PRELID2: variants seen among roughly 807,000 people sequenced by gnomAD.
PRELID2 encodes PRELI domain containing 2, also known as PRELI domain-containing protein 2.
Under a neutral mutation model 28.4 loss-of-function variants are expected in PRELID2, and 25 were observed. That is an observed-to-expected ratio of 0.88 (90% CI 0.64 to 1.23). The LOEUF is 1.23. PRELID2 is among the 50% of genes most tolerant of loss of function. The pLI, the probability that PRELID2 is intolerant of heterozygous loss-of-function variation, is 0.00. For missense variants in PRELID2, 201 were observed against 214.4 expected (o/e 0.94, Z 0.39); for synonymous variants, 76 against 71.6 (o/e 1.06, Z -0.31).
intron 1 of PRELID2, among the ~76,000 whole-genome samples, chr5:145,623,274 C>T (rs1753796811): frequency 6.6e-6 from 1 of 151,464 alleles, no homozygotes; most frequent in Admixed American, 6.6e-5. Flanking sequence ...ATGGCGAAAC[C>T]CCGTCTCTAC....
intron 1 of PRELID2, among the ~76,000 whole-genome samples, chr5:145,559,610 C>A (rs143336578): frequency 6.6e-6 from 1 of 152,028 alleles, no homozygotes; most frequent in African/African-American, 2.4e-5. Flanking sequence ...CCTCTATTGC[C>A]CCCTCCTCCT....
At chr5:145,719,232 T>C (rs1561556576) in intron 1 of PRELID2, among the ~76,000 whole-genome samples, 1 of 152,014 alleles carries the variant, frequency 6.6e-6, no homozygotes, top group East Asian at 1.9e-4. Flanking sequence ...GAGTAGCATG[T>C]CTAAGATTAA....
chr5:145,427,773 A>ACCC, the PRELID2 span, among the ~76,000 whole-genome samples: 1 of 152,184 alleles, frequency 6.6e-6, no homozygotes, highest in Non-Finnish European at 1.5e-5. Context: ...TAGTGCAAAG[A>ACCC]GAATTTGGGC....
chr5:145,453,506 C>T, the PRELID2 span, among the ~76,000 whole-genome samples: 1 of 152,076 alleles, frequency 6.6e-6, no homozygotes, highest in East Asian at 1.9e-4. Context: ...GATACATGTG[C>T]AGAACGTGCA....
intron 1 of PRELID2, among the ~76,000 whole-genome samples, chr5:145,604,487 G>GAC (rs1267012207): frequency 6.6e-6 from 1 of 152,082 alleles, no homozygotes; most frequent in Non-Finnish European, 1.5e-5. Context: ...ATCACTGATA[G>GAC]ACATTTGGGT....
intron 1 of PRELID2, among the ~76,000 whole-genome samples, chr5:145,825,302 C>T (rs986749955): frequency 6.7e-5 from 10 of 148,674 alleles, no homozygotes; most frequent in African/African-American, 9.9e-5. Flanking sequence ...TCAGCCCTTC[C>T]GAGTTACATG....
chr5:145,544,330 C>T (rs902728292), intron 1 of PRELID2, among the ~76,000 whole-genome samples: 1 of 152,086 alleles, frequency 6.6e-6, no homozygotes, highest in Non-Finnish European at 1.5e-5. Context: ...TAAACTTATG[C>T]TTTAATTTCA....
rs1561643627 is a variant in PRELID2, at chr5:145,817,202, A to ATATATATAT, written c.368+691_368+692insATATATATA. 1.7e-3 allele frequency among the ~76,000 whole-genome samples: 86 copies of ATATATATAT among 51,246 alleles called. 1 individual carries two copies. The highest frequency in any genetic ancestry group is 3.2e-3 in the Non-Finnish European group (67 of 20,800). The allele number at this position is 51,246 out of a possible 152,430, so 33.6% of individuals were successfully genotyped here. A position where few individuals can be genotyped will look rare whatever the true frequency, so the allele number is the denominator to read the frequency against. On this transcript the variant is annotated intron_variant, in intron 4 of 6. Coordinates refer to ENST00000683046, the MANE Select transcript of PRELID2 (RefSeq NM_205846.3). The stretch of plus-strand genomic sequence containing the variant: ...CAAGACTGCATTTCAAAAAAAAATA[A>ATATATATAT]ATAAATAAATAAAAAAAAATATATA...
intron 5 of PRELID2, among the ~76,000 whole-genome samples, chr5:145,794,914 GC>G (rs1752635789): frequency 6.6e-6 from 1 of 151,912 alleles, no homozygotes; most frequent in African/African-American, 2.4e-5. Flanking sequence ...GCCAAATCCA[GC>G]CCACCACCTG....
chr5:145,653,371 A>T (rs893608215), intron 1 of PRELID2, among the ~76,000 whole-genome samples: 27 of 152,200 alleles, frequency 1.8e-4, no homozygotes, highest in African/African-American at 6.3e-4. Flanking sequence ...GATATCCAGG[A>T]ATTGAACTCA....
chr5:145,722,871 C>T (rs1756030500), intron 1 of PRELID2, among the ~76,000 whole-genome samples: 1 of 152,024 alleles, frequency 6.6e-6, no homozygotes, highest in Non-Finnish European at 1.5e-5. Flanking sequence ...AAAACTTAAA[C>T]CAACTTTTAT....
intron 5 of PRELID2, among the ~76,000 whole-genome samples, chr5:145,778,381 C>A (rs1003695506): frequency 6.6e-6 from 1 of 152,204 alleles, no homozygotes; most frequent in Non-Finnish European, 1.5e-5. Flanking sequence ...GCTGCACACT[C>A]TACGGGACAC....
At chr5:145,242,640 G>A in the PRELID2 span, among the ~76,000 whole-genome samples, 1 of 152,058 alleles carries the variant, frequency 6.6e-6, no homozygotes, top group East Asian at 1.9e-4. Flanking sequence ...TTACAGATGT[G>A]TCTATGAGAG....
At chr5:145,592,086 A>C (rs1368831367) in intron 1 of PRELID2, among the ~76,000 whole-genome samples, 2 of 152,176 alleles carry the variant, frequency 1.3e-5, no homozygotes, top group East Asian at 3.9e-4. Flanking sequence ...TGTAACAGCA[A>C]ATGAGCTGAA....
chr5:145,379,846 G>A, the PRELID2 span, among the ~76,000 whole-genome samples: 2 of 152,058 alleles, frequency 1.3e-5, no homozygotes, highest in South Asian at 2.1e-4. Context: ...GGCCCCGAGA[G>A]CACTCAAGAC....
At chr5:145,510,907 A>C (rs1752455187) in intron 1 of PRELID2, among the ~76,000 whole-genome samples, 1 of 152,198 alleles carries the variant, frequency 6.6e-6, no homozygotes, top group Admixed American at 6.5e-5. Context: ...TTAGGTGCCC[A>C]GTTTTGGAAT....
At chr5:145,657,088 A>C in intron 1 of PRELID2, among the ~76,000 whole-genome samples, 1 of 152,174 alleles carries the variant, frequency 6.6e-6, no homozygotes, top group Middle Eastern at 3.4e-3. Flanking sequence ...GAAAGTATTC[A>C]TTTTTTATTT....
intron 1 of PRELID2, among the ~76,000 whole-genome samples, chr5:145,742,974 G>T (rs1756877115): frequency 6.6e-6 from 1 of 151,924 alleles, no homozygotes; most frequent in South Asian, 2.1e-4. Flanking sequence ...AGATGAAATT[G>T]ACCAATTTCT....
chr5:145,740,554 TATTCAAGTACCCATG>T (rs1756644300), intron 1 of PRELID2, among the ~76,000 whole-genome samples: 2 of 123,758 alleles, frequency 1.6e-5, no homozygotes, highest in Non-Finnish European at 3.3e-5. Flanking sequence ...AACATGAGAA[TATTCAAGTACCCATG>T]AAATATATAT....
Sources: gnomAD v4.1 joint callset for allele counts (sites outside exome capture counted in the v4.1 genomes callset) on GRCh38, gnomAD v4.1.1 for gene constraint, MANE v1.5 for transcripts, NCBI Gene and HGNC (gene_info 2026-07-23, HGNC 2026-07-21) for gene names.